LINGO2: variants seen among roughly 807,000 people sequenced by gnomAD.
LINGO2 encodes leucine rich repeat and Ig domain containing 2.
LINGO2 carries 14 observed loss-of-function variants against 30.6 expected under a neutral mutation model. The observed-to-expected ratio is 0.46, with a 90% CI of 0.30 to 0.72. The LOEUF (loss-of-function observed/expected upper bound fraction) is 0.72. Among genes scored for constraint, LINGO2 ranks in the 30% least tolerant of loss-of-function variants. LINGO2 has a pLI of 0.07. For missense variants in LINGO2, 729 were observed against 751.7 expected (o/e 0.97, Z 0.35); for synonymous variants, 317 against 288.5 (o/e 1.10, Z -1.00).
chr9:28,079,207 A>G lies in LINGO2; in HGVS notation c.-86-66802T>C, dbSNP rs1000491940. On this transcript the variant is annotated intron_variant, in intron 4 of 5. Coordinates refer to ENST00000379992, the Ensembl canonical transcript of LINGO2. ...CCTAAAAAGATGAAATTTAATATAG[A>G]TAACTGGAAAATCTAGCACTTGAAT... 1.3e-5 allele frequency among the ~76,000 whole-genome samples: 2 copies of G among 152,204 alleles called. 1 individual carries two copies. The highest frequency in any genetic ancestry group is 4.8e-5 in the African/African-American group (2 of 41,432).
At chr9:29,055,949 C>CACATATATATATATATACACATAT in the LINGO2 span, among the ~76,000 whole-genome samples, 1 of 123,140 alleles carries the variant, frequency 8.1e-6, no homozygotes, top group South Asian at 2.5e-4. Flanking sequence ...TGTATATATA[C>CACATATATATATATATACACATAT]ATATATATGT....
chr9:28,078,226 G>A (rs1825680638), intron 4 of LINGO2, among the ~76,000 whole-genome samples: 1 of 149,050 alleles, frequency 6.7e-6, no homozygotes, highest in African/African-American at 2.6e-5. Context: ...AACAAGATGA[G>A]TTAACACTCA....
At chr9:28,082,951 A>C (rs1825813805) in intron 4 of LINGO2, among the ~76,000 whole-genome samples, 1 of 152,080 alleles carries the variant, frequency 6.6e-6, no homozygotes, top group African/African-American at 2.4e-5. Flanking sequence ...ACTGATCATT[A>C]TTGTCCCCTC....
chr9:29,152,847 C>T, the LINGO2 span, among the ~76,000 whole-genome samples: 29 of 152,024 alleles, frequency 1.9e-4, no homozygotes, highest in South Asian at 8.4e-4. Flanking sequence ...TACTAGCTTC[C>T]GGGTATTTTC....
chr9:29,154,484 C>A, the LINGO2 span, among the ~76,000 whole-genome samples: 2 of 151,190 alleles, frequency 1.3e-5, no homozygotes, highest in African/African-American at 4.9e-5. Flanking sequence ...CACATTGGCT[C>A]CAAAGGCTGA....
At chr9:28,845,160 A>G in the LINGO2 span, among the ~76,000 whole-genome samples, 1 of 151,880 alleles carries the variant, frequency 6.6e-6, no homozygotes, top group Admixed American at 6.5e-5. Context: ...TTACGGTAGG[A>G]AAAAATGTAA....
the LINGO2 span, among the ~76,000 whole-genome samples, chr9:29,206,497 C>A: frequency 2.0e-5 from 3 of 152,098 alleles, no homozygotes; most frequent in African/African-American, 7.2e-5. Context: ...GCTTTAATTA[C>A]TAGAGAGTTT....
At chr9:28,932,902 ATATTATTAT>A in the LINGO2 span, among the ~76,000 whole-genome samples, 7 of 149,796 alleles carry the variant, frequency 4.7e-5, no homozygotes, top group African/African-American at 9.8e-5. Context: ...TCTTTTTATT[ATATTATTAT>A]TATTATTATT....
At chr9:28,343,244 C>A (rs895966196) in intron 3 of LINGO2, among the ~76,000 whole-genome samples, 1 of 152,206 alleles carries the variant, frequency 6.6e-6, no homozygotes, top group South Asian at 2.1e-4. Flanking sequence ...ACAAGTTAAA[C>A]CTACACTTTG....
intron 2 of LINGO2, among the ~76,000 whole-genome samples, chr9:28,431,809 T>C (rs1231999180): frequency 2.0e-5 from 3 of 152,176 alleles, no homozygotes; most frequent in African/African-American, 7.2e-5. Context: ...TTATCCAAAG[T>C]GAATTCCAAT....
intron 4 of LINGO2, among the ~76,000 whole-genome samples, chr9:28,182,669 AAAG>A (rs767290259): frequency 3.3e-5 from 5 of 152,354 alleles, no homozygotes; most frequent in Non-Finnish European, 7.3e-5. Context: ...ACACTTCTCA[AAAG>A]AAGACATTTA....
intron 1 of LINGO2, among the ~76,000 whole-genome samples, chr9:28,555,075 C>G (rs550609473): frequency 7.3e-6 from 1 of 137,116 alleles, no homozygotes; most frequent in South Asian, 2.4e-4. Context: ...CCTAACATCA[C>G]AATTAAAAGA....
At chr9:28,098,882 G>A (rs1042277347) in intron 4 of LINGO2, among the ~76,000 whole-genome samples, 19 of 152,106 alleles carry the variant, frequency 1.2e-4, no homozygotes, top group Non-Finnish European at 2.5e-4. Context: ...GGAGGAAATG[G>A]TGAATATGTT....
intron 4 of LINGO2, among the ~76,000 whole-genome samples, chr9:28,172,494 T>C (rs994120371): frequency 1.3e-5 from 2 of 152,224 alleles, no homozygotes; most frequent in Non-Finnish European, 2.9e-5. Flanking sequence ...ATATCGTTAT[T>C]GTCATTTTAA....
the LINGO2 span, among the ~76,000 whole-genome samples, chr9:28,821,541 A>T: frequency 6.6e-6 from 1 of 152,242 alleles, no homozygotes; most frequent in African/African-American, 2.4e-5. Context: ...CTCCAGCTGT[A>T]GCTGCAACAG....
the LINGO2 span, among the ~76,000 whole-genome samples, chr9:28,958,615 G>A: frequency 1.3e-5 from 2 of 152,030 alleles, no homozygotes; most frequent in South Asian, 2.1e-4. Context: ...ACCGTACAAT[G>A]AGCCCCCTTA....
the LINGO2 span, among the ~76,000 whole-genome samples, chr9:28,679,629 C>T: frequency 1.3e-5 from 2 of 151,992 alleles, no homozygotes; most frequent in African/African-American, 4.8e-5. Flanking sequence ...ACAACCATCA[C>T]CTCACATATA....
At chr9:28,778,934 C>G in the LINGO2 span, among the ~76,000 whole-genome samples, 2 of 152,110 alleles carry the variant, frequency 1.3e-5, no homozygotes, top group African/African-American at 4.8e-5. Context: ...TTATCTATAT[C>G]TGTACATGGA....
chr9:28,983,424 A>G, the LINGO2 span, among the ~76,000 whole-genome samples: 1 of 151,928 alleles, frequency 6.6e-6, no homozygotes, highest in Non-Finnish European at 1.5e-5. Flanking sequence ...AATGAACTAA[A>G]ACTAATACAA....
Sources: allele counts gnomAD v4.1 joint callset (sites outside exome capture counted in the v4.1 genomes callset), GRCh38; gene constraint gnomAD v4.1.1; transcripts MANE v1.5; gene names NCBI Gene and HGNC (gene_info 2026-07-23, HGNC 2026-07-21).